The following CTNNA1 variants were observed in gnomAD, a reference collection of about 807,000 sequenced individuals.
CTNNA1 encodes the protein catenin alpha 1, also known as catenin alpha-1.
In CTNNA1, 37 loss-of-function variants were observed where a neutral mutation model predicts 98.4. That is an observed-to-expected ratio of 0.38 (90% CI 0.29 to 0.49). The LOEUF (loss-of-function observed/expected upper bound fraction) is 0.49. Ranked by LOEUF, CTNNA1 falls within the 20% of genes least tolerant of loss-of-function variation. The pLI is 0.95. For missense variants in CTNNA1, 761 were observed against 1,147.2 expected (o/e 0.66, Z 4.86); for synonymous variants, 404 against 413.2 (o/e 0.98, Z 0.27).
At chr5:138,843,603 TGAAAAAGGA>T (rs1365379547) in intron 7 of CTNNA1, among the ~76,000 whole-genome samples, 1 of 152,156 alleles carries the variant, frequency 6.6e-6, no homozygotes, top group Non-Finnish European at 1.5e-5. Flanking sequence ...TAATGGAAAC[TGAAAAAGGA>T]AATGATGCCA....
intron 6 of CTNNA1, among the ~76,000 whole-genome samples, chr5:138,826,883 GA>G: frequency 6.6e-6 from 1 of 152,286 alleles, no homozygotes; most frequent in East Asian, 1.9e-4. Flanking sequence ...CTGCAGCCTT[GA>G]ACTTCTGGGT....
chr5:138,867,097 T>C (rs1185390114), intron 7 of CTNNA1, among the ~76,000 whole-genome samples: 1 of 152,252 alleles, frequency 6.6e-6, no homozygotes, highest in East Asian at 1.9e-4. Context: ...GTTAATAAGC[T>C]CTGCTTTTAA....
intron 9 of CTNNA1, among the ~76,000 whole-genome samples, chr5:138,901,224 C>G (rs1290310306): frequency 6.6e-6 from 1 of 152,078 alleles, no homozygotes; most frequent in African/African-American, 2.4e-5. Flanking sequence ...GTGGCGCCAT[C>G]TCAGCTCACT....
At chr5:138,804,278 A>G (rs140519319) in intron 3 of CTNNA1, among the ~76,000 whole-genome samples, 12 of 152,316 alleles carry the variant, frequency 7.9e-5, no homozygotes, top group African/African-American at 2.9e-4. Flanking sequence ...TACTGCATTC[A>G]ATACTGGTTT....
In CTNNA1 at chr5:138,886,257, A is replaced by G; in HGVS notation, c.1108A>G (p.Lys370Glu). 6.2e-7 allele frequency: 1 copy of G among 1,610,982 alleles called. No individual in the cohort carries two copies. The highest frequency in any genetic ancestry group is 8.5e-7 in the Non-Finnish European group (1 of 1,178,632). ...TGATGCACTCAATTCTGCAATAGAT[A>G]AAATGACCAAGAAGACCAGGGACTT... Reference protein sequence around the residue: ...RSDALNSAIDKMTKKTRDLRR... With the variant: ...RSDALNSAIDEMTKKTRDLRR... The change falls in exon 8 of 18, where the codon AAA (lysine) becomes GAA (glutamate). Residue 370 changes from lysine to glutamate, a missense_variant. Physicochemically the swap from Lys to Glu is moderately conservative, Grantham distance 56. This residue lies in a region of CTNNA1 where 287 missense variants were observed against 436.0 expected (regional missense o/e 0.66). Coordinates refer to ENST00000302763, the MANE Select transcript of CTNNA1 (RefSeq NM_001903.5).
chr5:138,782,789 G>GT (rs1755266957), intron 2 of CTNNA1, among the ~76,000 whole-genome samples: 1 of 152,172 alleles, frequency 6.6e-6, no homozygotes, highest in South Asian at 2.1e-4. Context: ...GTTTTGCAAA[G>GT]TTTGAAAACA....
At chr5:138,800,672 G>T (rs1388256203) in intron 3 of CTNNA1, among the ~76,000 whole-genome samples, 1 of 152,080 alleles carries the variant, frequency 6.6e-6, no homozygotes, top group African/African-American at 2.4e-5. Flanking sequence ...GCATGGTGGC[G>T]CATGCCTGTA....
rs1009693950 is a variant in CTNNA1 at position 138,873,625 on chromosome 5, C to G, written c.1063-12587C>G. 1.9e-6 allele frequency: 3 copies of G among 1,614,056 alleles called. No homozygotes were observed. The highest frequency in any genetic ancestry group is 2.5e-6 in the Non-Finnish European group (3 of 1,179,898). ...CACATATTCGGGCGCTGCATTCCCA[C>G]AGATTGCCAGAGAGACCAACGGTTG... On this transcript the variant is annotated intron_variant, in intron 7 of 17. Transcript: ENST00000302763. The surrounding 1 kb of genome is among the most constrained non-coding windows in gnomAD (Gnocchi z 6.1).
rs768136600 is a variant in CTNNA1, at chr5:138,810,074, A to G, written c.338A>G (p.Asp113Gly). Reference sequence around the variant, plus strand: ...AAGGCTGCTGCAGGAGAGTTCGCAGATGATCCCTGCTCTTCTGTGAAGCGA... The same window carrying G: ...AAGGCTGCTGCAGGAGAGTTCGCAGGTGATCCCTGCTCTTCTGTGAAGCGA... ...LMKAAAGEFADDPCSSVKRGN... is the reference protein window; with the variant it reads ...LMKAAAGEFAGDPCSSVKRGN... Residue 113 changes from aspartate (D) to glycine (G), a missense_variant, in exon 4 of 18, where the codon GAT becomes GGT. Asp to Gly is a moderately conservative substitution (Grantham distance 94). This residue lies in a region of CTNNA1 where 328 missense variants were observed against 354.3 expected (regional missense o/e 0.93). Coordinates refer to ENST00000302763, the MANE Select transcript of CTNNA1 (RefSeq NM_001903.5). The G allele has an allele frequency of 8.7e-6, 14 of 1,613,758 alleles. No individual in the cohort carries two copies. The highest frequency in any genetic ancestry group is 1.2e-5 in the Non-Finnish European group (14 of 1,179,636).
chr5:138,874,628 AAAC>A lies in CTNNA1; in HGVS notation c.1063-11580_1063-11578del. ...GCAGAACATATGGGCTATTTAAAAA[AAAC>A]AACCACCACCAACATTATAGCAAAA... On this transcript the variant is annotated intron_variant, in intron 7 of 17. Transcript: ENST00000302763. This position sits in a 1 kb window ranked among gnomAD's most constrained non-coding sequence, Gnocchi z 4.1. The A allele has an allele frequency of 2.1e-6, 2 of 959,428 alleles. No homozygotes were observed. Among genetic ancestry groups the A allele is most frequent in the South Asian group, 3.6e-5 (2 of 56,222 alleles). The allele number at this position is 959,428 out of a possible 1,614,324, so 59.4% of individuals were successfully genotyped here. A position where few individuals can be genotyped will look rare whatever the true frequency, so the allele number is the denominator to read the frequency against.
rs2149651806 is a variant in CTNNA1 at position 138,781,948 on chromosome 5, C to T, written c.24C>T (p.Asn8=). The change falls in exon 2 of 18, where the codon AAC becomes AAT. Residue 8 remains asparagine, a synonymous_variant. Coordinates refer to ENST00000302763, the MANE Select transcript of CTNNA1 (RefSeq NM_001903.5). MTAVHAG[N]INFKWDPKSL... ...AAATGACTGCTGTCCATGCAGGCAA[C>T]ATAAACTTCAAGTGGGATCCTAAAA... 2 of 1,596,428 alleles carry T rather than the reference C, an allele frequency of 1.3e-6. No homozygotes were observed. The highest frequency in any genetic ancestry group is 1.7e-6 in the Non-Finnish European group (2 of 1,176,216).
intron 1 of CTNNA1, chr5:138,762,040 C>T (rs1377933384): frequency 6.6e-6 from 1 of 152,170 alleles, no homozygotes; most frequent in Non-Finnish European, 1.5e-5. Flanking sequence ...ACAGGCGTGA[C>T]CCACTGCGCC....
chr5:138,786,925 G>C (rs1755775040), intron 3 of CTNNA1, among the ~76,000 whole-genome samples: 1 of 152,080 alleles, frequency 6.6e-6, no homozygotes, highest in Non-Finnish European at 1.5e-5. Context: ...TCCCTGCCCT[G>C]GCTTCAGTGG....
intron 1 of CTNNA1, among the ~76,000 whole-genome samples, chr5:138,777,888 A>AGAGGAGGGAGAGGGG (rs1554077531): frequency 3.2e-5 from 1 of 30,920 alleles, no homozygotes; most frequent in Non-Finnish European, 6.1e-5. Context: ...AGGGAGAGGG[A>AGAGGAGGGAGAGGGG]GAGGAGGGAG....
chr5:138,870,811 G>A (rs1449417401), intron 7 of CTNNA1: 2 of 152,290 alleles, frequency 1.3e-5, no homozygotes, highest in African/African-American at 4.8e-5. Context: ...GCTCTTATTT[G>A]TAATAGGGGC....
intron 3 of CTNNA1, among the ~76,000 whole-genome samples, chr5:138,788,067 T>C (rs891399652): frequency 6.6e-6 from 1 of 152,196 alleles, no homozygotes; most frequent in African/African-American, 2.4e-5. Context: ...TTAGATGTGC[T>C]CTTTTCTTAT....
At chr5:138,811,063 G>A (rs1466485648) in intron 4 of CTNNA1, among the ~76,000 whole-genome samples, 5 of 151,740 alleles carry the variant, frequency 3.3e-5, no homozygotes, top group African/African-American at 9.7e-5. Flanking sequence ...GGGCGGAGAC[G>A]CTCCTCACTT....
intron 10 of CTNNA1, among the ~76,000 whole-genome samples, chr5:138,907,997 A>T (rs1313220259): frequency 6.6e-6 from 1 of 150,560 alleles, no homozygotes; most frequent in Non-Finnish European, 1.5e-5. Flanking sequence ...TTCTTCTTCG[A>T]GACAGAGTCT....
chr5:138,861,918 C>T (rs759285131), intron 7 of CTNNA1, among the ~76,000 whole-genome samples: 3 of 151,990 alleles, frequency 2.0e-5, no homozygotes, highest in South Asian at 2.1e-4. Flanking sequence ...AGTAAGCCCA[C>T]GGTCAAGAGA....
Sources: allele counts gnomAD v4.1 joint callset (sites outside exome capture counted in the v4.1 genomes callset), GRCh38; gene constraint gnomAD v4.1.1; regional missense constraint gnomAD v4.1.1; non-coding constraint Gnocchi (gnomAD v3.1); transcripts MANE v1.5; gene names NCBI Gene and HGNC (gene_info 2026-07-23, HGNC 2026-07-21).